Variants in REG4 observed in about 807,000 individuals in gnomAD.
The protein encoded by REG4 is regenerating family member 4, also known as regenerating islet-derived protein 4.
REG4 carries 16 observed loss-of-function variants against 22.3 expected under a neutral mutation model. The ratio of observed to expected loss-of-function variants is 0.72; its 90% confidence interval spans 0.49 to 1.09. The LOEUF (loss-of-function observed/expected upper bound fraction) is 1.09, where lower values mean the gene tolerates loss of function less well. Ranked by LOEUF, REG4 falls within the 50% of genes least tolerant of loss-of-function variation. REG4 has a pLI of 0.00. For missense variants in REG4, 214 were observed against 193.9 expected (o/e 1.10, Z -0.61); for synonymous variants, 71 against 69.2 (o/e 1.03, Z -0.13).
chr1:119,798,358 C>A (rs1653992687), intron 5 of REG4, 139 bp downstream of exon 5: 1 of 683,352 alleles, frequency 1.5e-6, no homozygotes, highest in Non-Finnish European at 2.7e-6. Flanking sequence ...TGTGGCAAGG[C>A]CACTGCCTTG....
intron 5 of REG4, among the ~76,000 whole-genome samples, chr1:119,795,502 A>C (rs1214277680): frequency 6.6e-6 from 1 of 152,264 alleles, no homozygotes; most frequent in African/African-American, 2.4e-5. Context: ...AGTATTTTTG[A>C]GGTGAGATCC....
chr1:119,798,529 T>C lies in REG4; in HGVS notation c.377A>G (p.Asn126Ser). ...GGAGCTCATCTCAGCACAGTGCTTG[T>C]TCCCACCCATGGACTTGCCAGACCA... The part of the protein sequence containing the change: ...RSWSGKSMGG[N>S]KHCAEMSSNN... The change falls in exon 5 of 6, where the codon AAC becomes AGC. Residue 126 changes from asparagine to serine, a missense_variant. Transcript: ENST00000256585. The C allele has an allele frequency of 6.2e-7, 1 of 1,614,150 alleles. No homozygotes were observed. Among genetic ancestry groups the C allele is most frequent in the South Asian group, 1.1e-5 (1 of 91,080 alleles).
In REG4 at chr1:119,794,324, GTTT is replaced by G. The variant is rs1295921624; in HGVS notation, c.*291_*293del. 1.6e-6 allele frequency: 1 copy of G among 609,068 alleles called. No homozygotes were observed. The highest frequency in any genetic ancestry group is 3.2e-6 in the Non-Finnish European group (1 of 316,660). 37.7% of individuals were successfully genotyped at this position (609,068 alleles called of 1,614,324 possible). A position where few individuals can be genotyped will look rare whatever the true frequency, so the allele number is the denominator to read the frequency against. On this transcript the variant is annotated 3_prime_UTR_variant, in exon 6 of 6. Transcript: ENST00000256585. Reference sequence around the variant, plus strand: ...ACTTCTTATGGCCAAAGACCCAGCTGTTTCATAGGCTGGAGATGCACTCTTCTA... The same window carrying G: ...ACTTCTTATGGCCAAAGACCCAGCTGCATAGGCTGGAGATGCACTCTTCTA...
intron 5 of REG4, among the ~76,000 whole-genome samples, chr1:119,797,522 T>C: frequency 6.6e-6 from 1 of 152,188 alleles, no homozygotes; most frequent in East Asian, 1.9e-4. Context: ...CCCAGCCCAA[T>C]AGCTGAGACC....
chr1:119,797,163 G>A (rs587610115), intron 5 of REG4, among the ~76,000 whole-genome samples: 2 of 149,172 alleles, frequency 1.3e-5, no homozygotes, highest in East Asian at 4.2e-4. Flanking sequence ...ACTTCCTGGG[G>A]TAGCTCATTA....
chr1:119,795,426 C>T (rs1217637910), intron 5 of REG4, among the ~76,000 whole-genome samples: 2 of 152,190 alleles, frequency 1.3e-5, no homozygotes, highest in Non-Finnish European at 2.9e-5. Flanking sequence ...CATTCACATC[C>T]CAACAGGCCA....
intron 3 of REG4, chr1:119,802,353 G>C: frequency 1.0e-6 from 1 of 986,092 alleles, no homozygotes; most frequent in African/African-American, 1.7e-5. Flanking sequence ...GCATGTGGTA[G>C]GTGCTTCGTT....
At chr1:119,805,150 GC>G (rs1654258043) in intron 2 of REG4, among the ~76,000 whole-genome samples, 1 of 152,188 alleles carries the variant, frequency 6.6e-6, no homozygotes, top group South Asian at 2.1e-4. Flanking sequence ...TAATTGGGCT[GC>G]CTTGATTATT....
rs112954474 is a variant in REG4 at position 119,794,579 on chromosome 1, C to A, written c.*39G>T. 2.7e-5 allele frequency: 42 copies of A among 1,558,508 alleles called. 1 individual carries two copies. In the African/African-American group the frequency reaches 4.3e-4, roughly 16 times the overall value. ...GCCAGGCTAGCAGAAAGGAAGAGGA[C>A]GGGGCTGTGCAGGAGTTAGCAGAAT... is the stretch of plus-strand genomic sequence containing the variant. On this transcript the variant is annotated 3_prime_UTR_variant, in exon 6 of 6. Coordinates refer to ENST00000256585, the MANE Select transcript of REG4 (RefSeq NM_032044.4).
At chr1:119,802,228 T>G (rs935109099) in intron 3 of REG4, 8 of 666,832 alleles carry the variant, frequency 1.2e-5, no homozygotes, top group Non-Finnish European at 1.3e-5. Context: ...CAGTGTAAAC[T>G]TGGGAAAGTC....
rs757689676 is a variant in REG4 at position 119,794,592 on chromosome 1, G to A, written c.*26C>T. 3 of 1,601,354 alleles carry A rather than the reference G, an allele frequency of 1.9e-6. No homozygotes were observed. The highest frequency in any genetic ancestry group is 1.7e-6 in the Non-Finnish European group (2 of 1,168,250). ...AAAGGAAGAGGACGGGGCTGTGCAGGAGTTAGCAGAATCTTGATTCTTGCT... is the reference window on the plus strand; with the variant it reads ...AAAGGAAGAGGACGGGGCTGTGCAGAAGTTAGCAGAATCTTGATTCTTGCT... On this transcript the variant is annotated 3_prime_UTR_variant, in exon 6 of 6. Transcript: ENST00000256585.
At chr1:119,804,672 C>T (rs904358545) in intron 2 of REG4, among the ~76,000 whole-genome samples, 1 of 152,200 alleles carries the variant, frequency 6.6e-6, no homozygotes, top group Non-Finnish European at 1.5e-5. Context: ...GCCGTTACTA[C>T]TAGTACCACT....
In REG4 at chr1:119,794,529, C is replaced by T; in HGVS notation, c.*89G>A. On this transcript the variant is annotated 3_prime_UTR_variant, in exon 6 of 6. Coordinates refer to ENST00000256585, the MANE Select transcript of REG4 (RefSeq NM_032044.4). ...TATCACTCTTAGTTTGCTAGGTTTCCCCTCTGAAATAATGAGCAGATTTAG... is the reference window on the plus strand; with the variant it reads ...TATCACTCTTAGTTTGCTAGGTTTCTCCTCTGAAATAATGAGCAGATTTAG... The T allele has an allele frequency of 8.2e-7, 1 of 1,217,412 alleles. No homozygotes were observed. The highest frequency in any genetic ancestry group is 1.5e-5 in the African/African-American group (1 of 67,176). 75.4% of individuals were successfully genotyped at this position (1,217,412 alleles called of 1,614,324 possible).
chr1:119,799,332 C>T (rs1654028203), intron 4 of REG4, among the ~76,000 whole-genome samples: 3 of 151,866 alleles, frequency 2.0e-5, no homozygotes. Flanking sequence ...AAAAAAAAGG[C>T]TAGCTGAAAG....
At chr1:119,803,270 T>A (rs1179344947) in intron 2 of REG4, 105 bp from the exon 3 acceptor site, 10 of 1,218,372 alleles carry the variant, frequency 8.2e-6, no homozygotes, top group Non-Finnish European at 9.9e-6. Context: ...AGAGAGTCCC[T>A]TCATGAAGGG....
intron 3 of REG4, chr1:119,802,536 C>T: frequency 9.1e-7 from 1 of 1,101,862 alleles, no homozygotes; most frequent in East Asian, 5.6e-5. Flanking sequence ...CTTACTTTGA[C>T]TGTCTATTTG....
Position 119,810,067 on chromosome 1 carries a change from C to T in REG4, c.-94-1204G>A, listed in dbSNP as rs375958546. On this transcript the variant is annotated intron_variant, in intron 1 of 5. Coordinates refer to ENST00000256585, the MANE Select transcript of REG4 (RefSeq NM_032044.4). ...TTTTTTGTATGTTTATTGCCTTTCA[C>T]GTGTTACTAATAGTATTTCTCAGTT... Among the ~76,000 whole-genome samples, 5 of 151,874 alleles carry T rather than the reference C, an allele frequency of 3.3e-5. No individual in the cohort carries two copies. In the South Asian group the frequency reaches 6.2e-4, roughly 19 times the overall value.
At chr1:119,802,259 G>A (rs1654132492) in intron 3 of REG4, 1 of 866,076 alleles carries the variant, frequency 1.2e-6, no homozygotes. Context: ...ATGCTGTATG[G>A]AAATGTTCTG....
rs374194261 is a variant in REG4, at chr1:119,805,275, G to C, written c.68-2110C>G. On this transcript the variant is annotated intron_variant, in intron 2 of 5. Coordinates refer to ENST00000256585, the MANE Select transcript of REG4 (RefSeq NM_032044.4). Reference sequence around the variant, plus strand: ...ATGACATGGGCTTAAATTTCAGAAAGGGACAGCTGCGAAAACATGCCTTCC... The same window carrying C: ...ATGACATGGGCTTAAATTTCAGAAACGGACAGCTGCGAAAACATGCCTTCC... Among the ~76,000 whole-genome samples the C allele has an allele frequency of 2.6e-5, 4 of 152,258 alleles. No individual in the cohort carries two copies. In the East Asian group the frequency reaches 5.8e-4, roughly 22 times the overall value.
Sources: allele counts gnomAD v4.1 joint callset (sites outside exome capture counted in the v4.1 genomes callset), GRCh38; gene constraint gnomAD v4.1.1; transcripts MANE v1.5; gene names NCBI Gene and HGNC (gene_info 2026-07-23, HGNC 2026-07-21).